PPP1R14C: variants seen among roughly 807,000 people sequenced by gnomAD.
The protein encoded by PPP1R14C is protein phosphatase 1 regulatory inhibitor subunit 14C, also known as protein phosphatase 1 regulatory subunit 14C.
A neutral mutation model predicts 20.4 loss-of-function variants in PPP1R14C; 16 were observed. The ratio of observed to expected loss-of-function variants is 0.78; its 90% CI spans 0.53 to 1.19. The LOEUF (loss-of-function observed/expected upper bound fraction) is 1.19, where lower values mean the gene tolerates loss of function less well. Among genes scored for constraint, PPP1R14C ranks in the 50% most tolerant of loss-of-function variants. The probability of loss-of-function intolerance (pLI) is 0.00; values close to 1 mark genes in which losing one functional copy is unlikely to be tolerated. For synonymous variants in PPP1R14C, 91 were observed against 91.0 expected (o/e 1.00, Z 0.00); for missense variants, 211 against 220.1 (o/e 0.96, Z 0.26).
chr6:150,215,808 C>T (rs1582922695), intron 2 of PPP1R14C, among the ~76,000 whole-genome samples: 2 of 152,164 alleles, frequency 1.3e-5, no homozygotes, highest in Admixed American at 1.3e-4. Flanking sequence ...CCCCAGTTCC[C>T]AGGTGAGGAC....
At chr6:150,205,810 T>G (rs1461297002) in intron 1 of PPP1R14C, among the ~76,000 whole-genome samples, 1 of 150,210 alleles carries the variant, frequency 6.7e-6, no homozygotes, top group Non-Finnish European at 1.5e-5. Context: ...AAAAAAATAA[T>G]GGAAATAAAA....
chr6:150,143,124 G>A lies in PPP1R14C; in HGVS notation c.-69G>A. ...CGCATGCGGCTGCCGGGCCGGAGGT[G>A]GTAGCGGCGCCGGGCGCGCTCCGCC... On this transcript the variant is annotated 5_prime_UTR_variant, in exon 1 of 4. It introduces an in-frame stop codon into an upstream open reading frame of the 5' UTR. Coordinates refer to ENST00000361131, the MANE Select transcript of PPP1R14C (RefSeq NM_030949.3). This position sits in a 1 kb window ranked among gnomAD's most constrained non-coding sequence, Gnocchi z 5.6. 2 of 1,174,642 alleles carry A rather than the reference G, an allele frequency of 1.7e-6. No homozygotes were observed. Among genetic ancestry groups the A allele is most frequent in the Non-Finnish European group, 2.1e-6 (2 of 954,718 alleles). 72.8% of individuals were successfully genotyped at this position (1,174,642 alleles called of 1,614,324 possible).
At chr6:150,200,347 C>A (rs961446804) in intron 1 of PPP1R14C, among the ~76,000 whole-genome samples, 1 of 152,052 alleles carries the variant, frequency 6.6e-6, no homozygotes, top group African/African-American at 2.4e-5. Flanking sequence ...CTCGGCTACC[C>A]CTCATGGTGC....
chr6:150,174,415 A>G (rs377070073), intron 1 of PPP1R14C, among the ~76,000 whole-genome samples: 24,211 of 148,884 alleles, frequency 0.16, 2,182 homozygotes, highest in African/African-American at 0.24. Context: ...ATGGGGTTTC[A>G]CCGTGTTAGC....
chr6:150,158,034 A>C lies in PPP1R14C; in HGVS notation c.306+14536A>C, dbSNP rs34789735. On this transcript the variant is annotated intron_variant, in intron 1 of 3. Coordinates refer to ENST00000361131, the MANE Select transcript of PPP1R14C (RefSeq NM_030949.3). ...CTGGCTTGGTCTATCTAGAAGGATG[A>C]GCAGGCTGCCCACTACCTACCTTTA... 4.4e-3 allele frequency among the ~76,000 whole-genome samples: 669 copies of C among 152,300 alleles called. 4 individuals carry two copies. The highest frequency in any genetic ancestry group is 0.022 in the South Asian group (106 of 4,812).
chr6:150,240,357 G>A (rs1778417208), intron 3 of PPP1R14C, among the ~76,000 whole-genome samples: 2 of 152,204 alleles, frequency 1.3e-5, no homozygotes, highest in East Asian at 1.9e-4. Flanking sequence ...AACACACAAA[G>A]CAATGAAAGA....
intron 1 of PPP1R14C, among the ~76,000 whole-genome samples, chr6:150,200,546 G>C (rs1321530220): frequency 2.0e-5 from 3 of 152,170 alleles, no homozygotes; most frequent in Non-Finnish European, 4.4e-5. Flanking sequence ...TGGAGCAGGA[G>C]ACACAGTGAT....
intron 1 of PPP1R14C, among the ~76,000 whole-genome samples, chr6:150,167,623 G>C (rs1396692820): frequency 6.6e-6 from 1 of 152,150 alleles, no homozygotes; most frequent in African/African-American, 2.4e-5. Context: ...ACAGCTGACA[G>C]CCTGACAGTA....
At chr6:150,179,533 G>A (rs1012844832) in intron 1 of PPP1R14C, among the ~76,000 whole-genome samples, 5 of 151,902 alleles carry the variant, frequency 3.3e-5, no homozygotes, top group Non-Finnish European at 7.4e-5. Flanking sequence ...ATTTTTCCAC[G>A]TTGGCCTATG....
At chr6:150,190,532 T>C (rs1777729548) in intron 1 of PPP1R14C, among the ~76,000 whole-genome samples, 2 of 151,828 alleles carry the variant, frequency 1.3e-5, no homozygotes, top group South Asian at 4.2e-4. Flanking sequence ...GTTCAAGCGA[T>C]TCTCCTGCCT....
chr6:150,196,481 G>C (rs149358825), intron 1 of PPP1R14C, among the ~76,000 whole-genome samples: 1 of 150,206 alleles, frequency 6.7e-6, no homozygotes, highest in Admixed American at 6.6e-5. Flanking sequence ...CTCTAAGGTT[G>C]TTTTGAGTAT....
In PPP1R14C at chr6:150,226,352, AT is replaced by A. The variant is rs1778230175; in HGVS notation, c.423+9500del. On this transcript the variant is annotated intron_variant, in intron 3 of 3. Coordinates refer to ENST00000361131, the MANE Select transcript of PPP1R14C (RefSeq NM_030949.3). Reference sequence around the variant, plus strand: ...CCATATAATGCAAGAGGCAAAAGTAATTTTATTTTGGATATTACTTGTATTT... The same window carrying A: ...CCATATAATGCAAGAGGCAAAAGTAATTTATTTTGGATATTACTTGTATTT... 3.3e-5 allele frequency among the ~76,000 whole-genome samples: 5 copies of A among 152,180 alleles called. No individual in the cohort carries two copies. In the South Asian group the frequency reaches 6.2e-4, roughly 19 times the overall value.
chr6:150,249,862 C>A lies in PPP1R14C; in HGVS notation c.*1042C>A, dbSNP rs769774637. The A allele has an allele frequency of 1.1e-4, 26 of 245,884 alleles. No individual in the cohort carries two copies. The highest frequency in any genetic ancestry group is 1.8e-4 in the Non-Finnish European group (23 of 129,596). 15.2% of individuals were successfully genotyped at this position (245,884 alleles called of 1,614,324 possible). A position where few individuals can be genotyped will look rare whatever the true frequency, so the allele number is the denominator to read the frequency against. On this transcript the variant is annotated 3_prime_UTR_variant, in exon 4 of 4. Coordinates refer to ENST00000361131, the MANE Select transcript of PPP1R14C (RefSeq NM_030949.3). ...TGTCAAGGTGAGAAAGCCTCACATT[C>A]TCTCAAGACAGTTGCTCTAGGAGCT...
chr6:150,201,218 C>G lies in PPP1R14C; in HGVS notation c.307-13526C>G, dbSNP rs79128306. On this transcript the variant is annotated intron_variant, in intron 1 of 3. Coordinates refer to ENST00000361131, the MANE Select transcript of PPP1R14C (RefSeq NM_030949.3). The surrounding 1 kb of genome is among the most constrained non-coding windows in gnomAD (Gnocchi z 4.2). ...GATTATCGGGGTCATGTGTCAGGCG[C>G]TATCCCAGGCACTGCTCTTGGTCCT... 0.016 allele frequency among the ~76,000 whole-genome samples: 2,494 copies of G among 152,304 alleles called. 37 individuals are homozygous for G. The highest frequency in any genetic ancestry group is 0.022 in the Non-Finnish European group (1,500 of 68,036).
At chr6:150,200,010 C>G (rs1777857005) in intron 1 of PPP1R14C, among the ~76,000 whole-genome samples, 1 of 152,174 alleles carries the variant, frequency 6.6e-6, no homozygotes, top group African/African-American at 2.4e-5. Context: ...AACTCTGTGT[C>G]ATTTCCACTT....
intron 1 of PPP1R14C, among the ~76,000 whole-genome samples, chr6:150,190,186 TA>T (rs1336432314): frequency 6.6e-6 from 1 of 152,106 alleles, no homozygotes; most frequent in Non-Finnish European, 1.5e-5. Context: ...ATCACAAATG[TA>T]TATCTCTAGC....
intron 3 of PPP1R14C, among the ~76,000 whole-genome samples, chr6:150,246,697 G>A (rs1274292980): frequency 1.3e-5 from 2 of 152,156 alleles, no homozygotes; most frequent in Admixed American, 1.3e-4. Context: ...AAAAATTTAT[G>A]TACAAAGACA....
At chr6:150,194,725 G>A (rs770515894) in intron 1 of PPP1R14C, 154 of 985,206 alleles carry the variant, frequency 1.6e-4, no homozygotes, top group Middle Eastern at 5.2e-4. Context: ...GCTATAAAAC[G>A]TAAAAGAGGC....
intron 1 of PPP1R14C, among the ~76,000 whole-genome samples, chr6:150,181,536 A>G (rs1190570503): frequency 6.6e-6 from 1 of 152,238 alleles, no homozygotes; most frequent in Non-Finnish European, 1.5e-5. Context: ...CTCTTCGCTT[A>G]CTTTATTTCT....
Sources: allele counts gnomAD v4.1 joint callset (sites outside exome capture counted in the v4.1 genomes callset), GRCh38; gene constraint gnomAD v4.1.1; non-coding constraint Gnocchi (gnomAD v3.1); transcripts MANE v1.5; gene names NCBI Gene and HGNC (gene_info 2026-07-23, HGNC 2026-07-21).